The following NHSL1 variants were observed in gnomAD, a reference collection of about 807,000 sequenced individuals.
NHSL1 encodes NHS-like protein 1.
A neutral mutation model predicts 95.0 loss-of-function variants in NHSL1; 48 were observed. That is an observed-to-expected ratio of 0.51 (90% CI 0.40 to 0.64). The LOEUF (loss-of-function observed/expected upper bound fraction) is 0.64. Ranked by LOEUF, NHSL1 falls within the 30% of genes least tolerant of loss-of-function variation. The pLI is 0.00. For missense variants in NHSL1, 1,971 were observed against 2,077.7 expected (o/e 0.95, Z 1.00); for synonymous variants, 783 against 833.9 (o/e 0.94, Z 1.05).
intron 1 of NHSL1, among the ~76,000 whole-genome samples, chr6:138,566,932 G>A (rs546008780): frequency 6.6e-6 from 1 of 152,248 alleles, no homozygotes; most frequent in South Asian, 2.1e-4. Flanking sequence ...GTTAAGACAC[G>A]AAGGTAAACT....
intron 1 of NHSL1, 81 bp downstream of exon 1, chr6:138,499,152 C>CAG (rs1038690551): frequency 7.0e-6 from 6 of 851,904 alleles, no homozygotes; most frequent in Non-Finnish European, 1.1e-5. Context: ...CACACACACA[C>CAG]ACACACAGAC....
intron 1 of NHSL1, among the ~76,000 whole-genome samples, chr6:138,663,843 C>A (rs1004953230): frequency 6.6e-6 from 1 of 152,114 alleles, no homozygotes; most frequent in Non-Finnish European, 1.5e-5. Context: ...TGCACTCCAG[C>A]CTGGGTGACA....
At chr6:138,541,159 G>C (rs1782563926) in intron 1 of NHSL1, among the ~76,000 whole-genome samples, 1 of 152,190 alleles carries the variant, frequency 6.6e-6, no homozygotes, top group South Asian at 2.1e-4. Flanking sequence ...TTGAGGTCAG[G>C]AGGTCGAGAT....
intron 3 of NHSL1, among the ~76,000 whole-genome samples, chr6:138,466,532 A>G (rs1778392831): frequency 6.6e-6 from 1 of 152,194 alleles, no homozygotes; most frequent in Non-Finnish European, 1.5e-5. Flanking sequence ...CCGTCCCTCC[A>G]GTTTATTTTA....
At chr6:138,517,594 G>A (rs1238576391) in intron 1 of NHSL1, among the ~76,000 whole-genome samples, 5 of 152,198 alleles carry the variant, frequency 3.3e-5, no homozygotes, top group African/African-American at 1.2e-4. Context: ...TGAGCACTTA[G>A]AGGCAAACAA....
chr6:138,546,983 G>C (rs376444775), upstream of NHSL1, among the ~76,000 whole-genome samples: 1 of 152,204 alleles, frequency 6.6e-6, no homozygotes, highest in African/African-American at 2.4e-5. Context: ...TCCCCACAGA[G>C]ACGTGAGTCT....
intron 1 of NHSL1, among the ~76,000 whole-genome samples, chr6:138,523,450 C>T (rs1256816045): frequency 6.6e-6 from 1 of 151,814 alleles, no homozygotes; most frequent in African/African-American, 2.4e-5. Flanking sequence ...GCTGGGACTA[C>T]AAGTGCGAGC....
Position 138,442,007 on chromosome 6 carries a change from G to A in NHSL1, c.640C>T (p.Pro214Ser). 6.4e-7 allele frequency: 1 copy of A among 1,551,056 alleles called. No homozygotes were observed. The highest frequency in any genetic ancestry group is 2.4e-5 in the East Asian group (1 of 40,876). ...VKRRKTITGV[P>S]DNIQKELASG... ...CCTAGCTCCTTCTGTATGTTGTCAG[G>A]GACTCCTGTAATAGTCTTTCTCCTT... The change falls in exon 5 of 8, where the codon CCT becomes TCT. Residue 214 changes from proline (P) to serine (S), a missense_variant. By Grantham distance (74) the Pro-to-Ser change is moderately conservative. This residue lies in a region of NHSL1 where 1,602 missense variants were observed against 1,654.5 expected (regional missense o/e 0.97). Transcript: ENST00000343505.
At chr6:138,491,969 A>G (rs950253042) in intron 2 of NHSL1, among the ~76,000 whole-genome samples, 1 of 152,186 alleles carries the variant, frequency 6.6e-6, no homozygotes, top group Non-Finnish European at 1.5e-5. Context: ...CAACCTGTAC[A>G]TGTTTGTATC....
chr6:138,524,108 G>A (rs1781803760), intron 1 of NHSL1, among the ~76,000 whole-genome samples: 1 of 152,118 alleles, frequency 6.6e-6, no homozygotes, highest in Admixed American at 6.5e-5. Context: ...TTCAAGCCAG[G>A]TCTGGGACCC....
chr6:138,669,392 G>A (rs1785335458), intron 1 of NHSL1, among the ~76,000 whole-genome samples: 1 of 152,146 alleles, frequency 6.6e-6, no homozygotes, highest in Admixed American at 6.5e-5. Flanking sequence ...AACTCGGCGG[G>A]GAAGCTAAGA....
chr6:138,604,687 G>A (rs949595917), intron 1 of NHSL1, among the ~76,000 whole-genome samples: 21 of 151,852 alleles, frequency 1.4e-4, no homozygotes, highest in Admixed American at 9.8e-4. Flanking sequence ...GTGCAGTGGC[G>A]TGATCTTGGC....
intron 2 of NHSL1, among the ~76,000 whole-genome samples, chr6:138,489,853 G>GGAGAGAGA (rs1202082058): frequency 1.4e-4 from 5 of 36,972 alleles, no homozygotes; most frequent in East Asian, 9.7e-4. Flanking sequence ...AGGGAGAGAG[G>GGAGAGAGA]GAGAGAGAGA....
intron 5 of NHSL1, among the ~76,000 whole-genome samples, chr6:138,437,446 A>AC (rs1491460792): frequency 0.023 from 766 of 33,940 alleles, 25 homozygotes; most frequent in South Asian, 0.029. Context: ...ACACACACAC[A>AC]AAAAAAAAAA....
At chr6:138,650,461 G>A (rs763617802) in intron 1 of NHSL1, 21 of 1,056,106 alleles carry the variant, frequency 2.0e-5, no homozygotes, top group South Asian at 7.6e-5. Flanking sequence ...GTGTGGCTCC[G>A]GATGGCCAGG....
chr6:138,526,105 AAAAG>A (rs1175358245), intron 1 of NHSL1, among the ~76,000 whole-genome samples: 2 of 151,970 alleles, frequency 1.3e-5, no homozygotes, highest in African/African-American at 4.8e-5. Flanking sequence ...AAAAAAAAAA[AAAAG>A]AAAATATTTG....
chr6:138,650,415 G>A (rs1785075184), intron 1 of NHSL1: 1 of 1,431,124 alleles, frequency 7.0e-7, no homozygotes, highest in African/African-American at 1.4e-5. Flanking sequence ...GAAGGGGTAG[G>A]TCAGCATGCT....
chr6:138,437,411 TATACAC>T (rs1562270697), intron 5 of NHSL1, among the ~76,000 whole-genome samples: 7 of 71,552 alleles, frequency 9.8e-5, no homozygotes, highest in Non-Finnish European at 1.2e-4. Flanking sequence ...TATACACACA[TATACAC>T]ACACACACAC....
At chr6:138,681,581 T>C (rs551717586) in intron 1 of NHSL1, among the ~76,000 whole-genome samples, 21 of 152,338 alleles carry the variant, frequency 1.4e-4, no homozygotes, top group Non-Finnish European at 2.5e-4. Context: ...CTAGTGCCCT[T>C]GCCTGGATGG....
Sources: allele counts gnomAD v4.1 joint callset (sites outside exome capture counted in the v4.1 genomes callset), GRCh38; gene constraint gnomAD v4.1.1; regional missense constraint gnomAD v4.1.1; transcripts MANE v1.5; gene names NCBI Gene and HGNC (gene_info 2026-07-23, HGNC 2026-07-21).